Variants in JAKMIP1 observed in about 807,000 individuals in gnomAD.
JAKMIP1 encodes the protein janus kinase and microtubule-interacting protein 1.
A neutral mutation model predicts 113.0 loss-of-function variants in JAKMIP1; 33 were observed. The observed-to-expected ratio is 0.29, with a 90% CI of 0.22 to 0.39. The LOEUF is 0.39. Ranked by LOEUF, JAKMIP1 falls within the 10% of genes least tolerant of loss-of-function variation. JAKMIP1 has a pLI of 1.00. For missense variants in JAKMIP1, 813 were observed against 1,080.5 expected (o/e 0.75, Z 3.47); for synonymous variants, 480 against 459.9 (o/e 1.04, Z -0.56).
chr4:6,085,658 C>G (rs1721181889), intron 3 of JAKMIP1, 29 bp from the exon 4 acceptor site: 3 of 1,601,554 alleles, frequency 1.9e-6, no homozygotes, highest in Admixed American at 3.3e-5. Flanking sequence ...AAGCAGTCAG[C>G]CCTAGGGGCT....
intron 3 of JAKMIP1, among the ~76,000 whole-genome samples, chr4:6,095,595 T>C (rs1711598974): frequency 6.6e-6 from 1 of 152,202 alleles, no homozygotes; most frequent in Non-Finnish European, 1.5e-5. Flanking sequence ...CCTGAGTCAT[T>C]GTCCTGACTC....
intron 19 of JAKMIP1, among the ~76,000 whole-genome samples, chr4:6,032,220 T>C (rs1488210112): frequency 6.6e-6 from 1 of 152,210 alleles, no homozygotes; most frequent in African/African-American, 2.4e-5. Flanking sequence ...TAATCTAATG[T>C]CTGGCTTTAC....
Position 6,178,158 on chromosome 4 carries a change from A to C in JAKMIP1, c.-148+22095T>G, listed in dbSNP as rs1725589118. Among the ~76,000 whole-genome samples the C allele has an allele frequency of 6.6e-6, 1 of 152,182 alleles. No individual in the cohort carries two copies. The highest frequency in any genetic ancestry group is 6.5e-5 in the Admixed American group (1 of 15,282). On this transcript the variant is annotated intron_variant, in intron 1 of 20. Transcript: ENST00000409021. This position sits in a 1 kb window ranked among gnomAD's most constrained non-coding sequence, Gnocchi z 5.5. ...AAGGAAACAGAAGCCCAAGGCTTTG[A>C]TATATTTAGCTTTGTCCCCCATGGG... is the stretch of plus-strand genomic sequence containing the variant.
rs1720109106 is a variant in JAKMIP1 at position 6,141,253 on chromosome 4, T to C, written c.-147-28256A>G. The stretch of plus-strand genomic sequence containing the variant: ...GAATTCGAGACCAGCCTGGCCAACA[T>C]GGCGAAACCCCGTCTCTATTAAAAA... On this transcript the variant is annotated intron_variant, in intron 1 of 20. Transcript: ENST00000409021. This position sits in a 1 kb window ranked among gnomAD's most constrained non-coding sequence, Gnocchi z 9.4. Among the ~76,000 whole-genome samples the C allele has an allele frequency of 1.3e-5, 2 of 152,056 alleles. No homozygotes were observed. Among genetic ancestry groups the C allele is most frequent in the Admixed American group, 6.5e-5 (1 of 15,272 alleles).
rs540500946 is a variant in JAKMIP1 at position 6,086,489 on chromosome 4, C to G, written c.625-860G>C. 3.9e-5 allele frequency among the ~76,000 whole-genome samples: 6 copies of G among 152,020 alleles called. No homozygotes were observed. The highest frequency in any genetic ancestry group is 1.9e-4 in the East Asian group (1 of 5,162). On this transcript the variant is annotated intron_variant, in intron 3 of 20. Coordinates refer to ENST00000409021, the MANE Select transcript of JAKMIP1 (RefSeq NM_001099433.2). This position sits in a 1 kb window ranked among gnomAD's most constrained non-coding sequence, Gnocchi z 4.1. ...CTGAACTTAATCTTCAGTTCACCCC[C>G]AGCCCTGTCTTGTCCAGCCTTCCTA...
At chr4:6,030,689 A>C (rs974708058) in intron 19 of JAKMIP1, among the ~76,000 whole-genome samples, 3 of 152,196 alleles carry the variant, frequency 2.0e-5, no homozygotes, top group Non-Finnish European at 4.4e-5. Context: ...CAATGCTGGG[A>C]GGCGGAAGGG....
At chr4:6,170,434 C>T (rs1322010706) in intron 1 of JAKMIP1, among the ~76,000 whole-genome samples, 6 of 1,230 alleles carry the variant, frequency 4.9e-3, no homozygotes, top group Admixed American at 0.026. Context: ...TCACCATAGT[C>T]ACCACCACCT....
At chr4:6,029,154 C>G (rs1712252915) in intron 20 of JAKMIP1, among the ~76,000 whole-genome samples, 1 of 152,204 alleles carries the variant, frequency 6.6e-6, no homozygotes. Flanking sequence ...GCTGTGGGAC[C>G]ATGGACAGGT....
chr4:6,108,399 G>C lies in JAKMIP1; in HGVS notation c.130-2432C>G, dbSNP rs1457667182. ...TACACCAGCCGCTCCTCAGCACTTG[G>C]ACTCTAAATGCAGCCACGGCACAAA... On this transcript the variant is annotated intron_variant, in intron 2 of 20. Transcript: ENST00000409021. This position sits in a 1 kb window ranked among gnomAD's most constrained non-coding sequence, Gnocchi z 5.6. Among the ~76,000 whole-genome samples the C allele has an allele frequency of 6.6e-6, 1 of 152,168 alleles. No homozygotes were observed. Among genetic ancestry groups the C allele is most frequent in the African/African-American group, 2.4e-5 (1 of 41,452 alleles).
intron 3 of JAKMIP1, among the ~76,000 whole-genome samples, chr4:6,101,963 A>G (rs1390679947): frequency 6.6e-6 from 1 of 151,710 alleles, no homozygotes; most frequent in African/African-American, 2.4e-5. Context: ...CTGAATCTGT[A>G]GATCAATCAT....
intron 4 of JAKMIP1, 28 bp from the exon 5 acceptor site, chr4:6,084,993 A>G (rs1721078778): frequency 6.5e-7 from 1 of 1,542,524 alleles, no homozygotes; most frequent in East Asian, 2.3e-5. Context: ...AAAAAAAAAA[A>G]AGTCAAGACG....
In JAKMIP1 at chr4:6,193,369, T is replaced by C. The variant is rs537565395; in HGVS notation, c.-148+6884A>G. On this transcript the variant is annotated intron_variant, in intron 1 of 20. Coordinates refer to ENST00000409021, the MANE Select transcript of JAKMIP1 (RefSeq NM_001099433.2). The surrounding 1 kb of genome is among the most constrained non-coding windows in gnomAD (Gnocchi z 6.4). The stretch of plus-strand genomic sequence containing the variant: ...CTTTACCTTGTGATCGGTGAGTCAA[T>C]TCTCCTTAATAAACTCCTTTTCATA... 4.6e-5 allele frequency among the ~76,000 whole-genome samples: 7 copies of C among 152,316 alleles called. No individual in the cohort carries two copies. In the East Asian group the frequency reaches 1.4e-3, roughly 29 times the overall value.
chr4:6,086,136 G>A lies in JAKMIP1; in HGVS notation c.625-507C>T, dbSNP rs893362583. On this transcript the variant is annotated intron_variant, in intron 3 of 20. Coordinates refer to ENST00000409021, the MANE Select transcript of JAKMIP1 (RefSeq NM_001099433.2). The surrounding 1 kb of genome is among the most constrained non-coding windows in gnomAD (Gnocchi z 4.1). Reference sequence around the variant, plus strand: ...ACCCACCGGACAACGTTGTCCTCCCGCCCTGACTCCGTCACCCACTCCCAG... The same window carrying A: ...ACCCACCGGACAACGTTGTCCTCCCACCCTGACTCCGTCACCCACTCCCAG... Among the ~76,000 whole-genome samples the A allele has an allele frequency of 3.9e-5, 6 of 152,026 alleles. No homozygotes were observed. The South Asian group carries it at 6.2e-4, about 16-fold the overall frequency.
intron 20 of JAKMIP1, among the ~76,000 whole-genome samples, chr4:6,029,356 G>A (rs898793980): frequency 2.0e-5 from 3 of 152,222 alleles, no homozygotes; most frequent in African/African-American, 7.2e-5. Context: ...ATGAGTCCAT[G>A]GAGGAGAACC....
intron 13 of JAKMIP1, among the ~76,000 whole-genome samples, chr4:6,052,642 C>A (rs914972690): frequency 8.0e-6 from 1 of 125,344 alleles, no homozygotes; most frequent in East Asian, 2.2e-4. Context: ...CAGAGCGAGA[C>A]TCTGTCCTAA....
Position 6,199,718 on chromosome 4 carries a change from C to T in JAKMIP1, c.-148+535G>A, listed in dbSNP as rs560220185. 2.0e-5 allele frequency among the ~76,000 whole-genome samples: 3 copies of T among 151,460 alleles called. No homozygotes were observed. The highest frequency in any genetic ancestry group is 7.3e-5 in the African/African-American group (3 of 41,328). ...GGGTGGGGTGCGGGCTGGGCGGCCT[C>T]GCCTTCGGGCCCCGCGCCGCCGGGG... On this transcript the variant is annotated intron_variant, in intron 1 of 20. Transcript: ENST00000409021. This position sits in a 1 kb window ranked among gnomAD's most constrained non-coding sequence, Gnocchi z 5.6.
chr4:6,130,054 A>G (rs1718283017), intron 1 of JAKMIP1, among the ~76,000 whole-genome samples: 1 of 152,222 alleles, frequency 6.6e-6, no homozygotes, highest in Non-Finnish European at 1.5e-5. Flanking sequence ...AGACCCACAG[A>G]GCCCAGGTCC....
At chr4:6,084,268 G>T (rs1720970941) in intron 5 of JAKMIP1, among the ~76,000 whole-genome samples, 1 of 148,476 alleles carries the variant, frequency 6.7e-6, no homozygotes, top group African/African-American at 2.5e-5. Flanking sequence ...GGTGAGCCAA[G>T]ATGGTGCCAA....
intron 2 of JAKMIP1, among the ~76,000 whole-genome samples, chr4:6,111,370 G>C (rs1280949596): frequency 6.6e-6 from 1 of 152,206 alleles, no homozygotes; most frequent in African/African-American, 2.4e-5. Flanking sequence ...TCTGTGCTCA[G>C]CCTGGCTGGC....
Sources: allele counts gnomAD v4.1 joint callset (sites outside exome capture counted in the v4.1 genomes callset), GRCh38; gene constraint gnomAD v4.1.1; non-coding constraint Gnocchi (gnomAD v3.1); transcripts MANE v1.5; gene names NCBI Gene and HGNC (gene_info 2026-07-23, HGNC 2026-07-21).